The following GALM variants were observed in gnomAD, a reference collection of about 807,000 sequenced individuals.
The protein encoded by GALM is galactose mutarotase.
A neutral mutation model predicts 37.4 loss-of-function variants in GALM; 43 were observed. The observed-to-expected ratio is 1.15, with a 90% CI of 0.90 to 1.48. The LOEUF (loss-of-function observed/expected upper bound fraction) is 1.48. Ranked by LOEUF, GALM falls within the 40% of genes most tolerant of loss-of-function variation. The pLI is 0.00. For missense variants in GALM, 456 were observed against 419.1 expected (o/e 1.09, Z -0.77); for synonymous variants, 199 against 170.6 (o/e 1.17, Z -1.30).
intron 4 of GALM, among the ~76,000 whole-genome samples, chr2:38,724,430 A>C (rs1666444303): frequency 6.6e-6 from 1 of 152,216 alleles, no homozygotes; most frequent in Admixed American, 6.5e-5. Context: ...TTCTTGAACG[A>C]TCAATTGGAC....
intron 3 of GALM, among the ~76,000 whole-genome samples, chr2:38,681,882 A>G (rs1027017214): frequency 6.6e-6 from 1 of 152,184 alleles, no homozygotes; most frequent in Non-Finnish European, 1.5e-5. Flanking sequence ...TCCTTTAGAT[A>G]TGCTGCCAAT....
At chr2:38,731,145 T>A (rs1666600111) in intron 5 of GALM, among the ~76,000 whole-genome samples, 1 of 152,046 alleles carries the variant, frequency 6.6e-6, no homozygotes, top group Non-Finnish European at 1.5e-5. Flanking sequence ...GAGAATTGCT[T>A]TAACCAAGGG....
intron 4 of GALM, among the ~76,000 whole-genome samples, chr2:38,710,639 A>C (rs1403446653): frequency 6.6e-6 from 1 of 152,084 alleles, no homozygotes; most frequent in Non-Finnish European, 1.5e-5. Context: ...TCCTGGGCTT[A>C]AGTGATCCTC....
chr2:38,687,561 T>G (rs1196526507), intron 3 of GALM, among the ~76,000 whole-genome samples: 2 of 151,652 alleles, frequency 1.3e-5, no homozygotes, highest in Non-Finnish European at 1.5e-5. Context: ...AATACAAAAA[T>G]TAGCCTAGCA....
intron 5 of GALM, among the ~76,000 whole-genome samples, chr2:38,730,217 C>T (rs1192327297): frequency 6.6e-6 from 1 of 152,200 alleles, no homozygotes; most frequent in Non-Finnish European, 1.5e-5. Context: ...CACCTAATAT[C>T]ATCCTTGGCA....
intron 3 of GALM, among the ~76,000 whole-genome samples, chr2:38,687,941 G>A (rs1251474312): frequency 6.6e-6 from 1 of 152,156 alleles, no homozygotes; most frequent in African/African-American, 2.4e-5. Context: ...GCCGGGCACA[G>A]TGCCTCACAC....
At chr2:38,672,073 G>T (rs755040072) in intron 1 of GALM, among the ~76,000 whole-genome samples, 109 of 151,942 alleles carry the variant, frequency 7.2e-4, no homozygotes, top group African/African-American at 1.2e-4. Context: ...CCAAACCAAG[G>T]AACTGGCCTG....
chr2:38,696,281 G>GCCAA, intron 4 of GALM, among the ~76,000 whole-genome samples: 1 of 151,376 alleles, frequency 6.6e-6, no homozygotes, highest in East Asian at 2.0e-4. Context: ...CACCACACCT[G>GCCAA]GCTAATTTTG....
chr2:38,672,615 C>G (rs1665138294), intron 1 of GALM, among the ~76,000 whole-genome samples: 1 of 152,178 alleles, frequency 6.6e-6, no homozygotes, highest in South Asian at 2.1e-4. Flanking sequence ...CACTACTTAG[C>G]TGTGTGTTTT....
chr2:38,704,159 A>G (rs1199336247), intron 4 of GALM, among the ~76,000 whole-genome samples: 1 of 151,706 alleles, frequency 6.6e-6, no homozygotes, highest in African/African-American at 2.4e-5. Flanking sequence ...AAGTAATGAT[A>G]GTCTATGGTT....
chr2:38,698,023 A>T (rs1665846107), intron 4 of GALM, among the ~76,000 whole-genome samples: 1 of 151,372 alleles, frequency 6.6e-6, no homozygotes, highest in Non-Finnish European at 1.5e-5. Context: ...GGCCCACTGC[A>T]GCCTCCGCCT....
rs771030730 is a variant in GALM, at chr2:38,681,387, C to T, written c.453C>T (p.Thr151=). Residue 151 remains threonine, a synonymous_variant, in exon 3 of 7, where the codon ACC becomes ACT. Transcript: ENST00000272252. ...AGTTAAAAGTCTGGGTGACATACAC[C>T]CTGGATGGCGGAGAGCTCATAGTCA... ...PGELKVWVTY[T]LDGGELIVNY... is the part of the protein sequence containing the mutation. The T allele has an allele frequency of 6.2e-7, 1 of 1,614,018 alleles. No individual in the cohort carries two copies. Among genetic ancestry groups the T allele is most frequent in the South Asian group, 1.1e-5 (1 of 91,068 alleles).
intron 1 of GALM, 108 bp downstream of exon 1, chr2:38,666,459 C>A: frequency 1.2e-6 from 1 of 846,992 alleles, no homozygotes; most frequent in Non-Finnish European, 1.8e-6. Flanking sequence ...GGAAAGTCGC[C>A]TAGCTTGGGA....
chr2:38,721,209 T>G (rs1666369923), intron 4 of GALM, among the ~76,000 whole-genome samples: 1 of 152,228 alleles, frequency 6.6e-6, no homozygotes, highest in Admixed American at 6.5e-5. Flanking sequence ...CAGTGAGTTT[T>G]TCCTTCACTT....
At chr2:38,682,198 C>G (rs932703993) in intron 3 of GALM, 1 of 414,420 alleles carries the variant, frequency 2.4e-6, no homozygotes, top group Non-Finnish European at 5.0e-6. Context: ...CTGACAACCC[C>G]CCTTAAGTGA....
chr2:38,702,297 T>A (rs1665935482), intron 4 of GALM, among the ~76,000 whole-genome samples: 2 of 151,806 alleles, frequency 1.3e-5, no homozygotes, highest in Admixed American at 1.3e-4. Context: ...CTCTCAGGCC[T>A]CCCCAAAACC....
chr2:38,680,964 C>T (rs960084111), intron 2 of GALM, among the ~76,000 whole-genome samples: 10 of 152,014 alleles, frequency 6.6e-5, no homozygotes, highest in Non-Finnish European at 1.5e-4. Context: ...GGCAAAACCC[C>T]GTCTCTACGA....
intron 3 of GALM, chr2:38,682,147 G>C (rs1665412234): frequency 3.5e-6 from 1 of 286,320 alleles, no homozygotes; most frequent in South Asian, 3.1e-5. Flanking sequence ...ACCCCAGTGG[G>C]GGACCACTTG....
At chr2:38,675,328 G>T (rs1327551431) in intron 1 of GALM, among the ~76,000 whole-genome samples, 1 of 152,084 alleles carries the variant, frequency 6.6e-6, no homozygotes, top group African/African-American at 2.4e-5. Flanking sequence ...TTTTCTTTGT[G>T]CTGTATAAAA....
Sources: gnomAD v4.1 joint callset for allele counts (sites outside exome capture counted in the v4.1 genomes callset) on GRCh38, gnomAD v4.1.1 for gene constraint, MANE v1.5 for transcripts, NCBI Gene and HGNC (gene_info 2026-07-23, HGNC 2026-07-21) for gene names.